ITGA4: variants seen among roughly 807,000 people sequenced by gnomAD.
The protein encoded by ITGA4 is integrin subunit alpha 4.
Under a neutral mutation model 133.6 loss-of-function variants are expected in ITGA4, and 63 were observed. The observed-to-expected ratio is 0.47, with a 90% CI of 0.38 to 0.58. The LOEUF is 0.58. Ranked by LOEUF, ITGA4 falls within the 20% of genes least tolerant of loss-of-function variation. The pLI is 0.00. For missense variants in ITGA4, 1,076 were observed against 1,252.7 expected, an observed-to-expected ratio of 0.86 and a Z score of 2.13; for synonymous variants, 483 against 438.0, an observed-to-expected ratio of 1.10 and a Z score of -1.28.
Position 181,523,372 on chromosome 2 carries a change from A to G in ITGA4, c.2074-65A>G. ...GATATTCTTTTCAATAACCATCCTTAAACATATGTTACAAACTTTTTATTT... is the reference window on the plus strand; with the variant it reads ...GATATTCTTTTCAATAACCATCCTTGAACATATGTTACAAACTTTTTATTT... On this transcript the variant is annotated intron_variant, in intron 18 of 27. Transcript: ENST00000397033. The surrounding 1 kb of genome is among the most constrained non-coding windows in gnomAD (Gnocchi z 4.2). The G allele has an allele frequency of 1.1e-6, 1 of 922,268 alleles. No individual in the cohort carries two copies. The highest frequency in any genetic ancestry group is 1.8e-6 in the Non-Finnish European group (1 of 558,052). The allele number at this position is 922,268 out of a possible 1,614,324, so 57.1% of individuals were successfully genotyped here. A position where few individuals can be genotyped will look rare whatever the true frequency, so the allele number is the denominator to read the frequency against.
At chr2:181,462,531 A>T (rs1327349058) in intron 2 of ITGA4, among the ~76,000 whole-genome samples, 1 of 152,098 alleles carries the variant, frequency 6.6e-6, no homozygotes, top group Non-Finnish European at 1.5e-5. Context: ...TTACTTTTTC[A>T]TTTGCAATGT....
intron 2 of ITGA4, 71 bp downstream of exon 2, chr2:181,458,388 C>A: frequency 6.5e-7 from 1 of 1,547,782 alleles, no homozygotes; most frequent in Non-Finnish European, 8.8e-7. Flanking sequence ...TAGGGCAAGT[C>A]CTGGAAAGAT....
Position 181,529,579 on chromosome 2 carries a change from T to C in ITGA4, c.2469T>C (p.Ser823=), listed in dbSNP as rs540189474. The part of the protein sequence containing the change: ...NTGNSMAPNV[S]VEIMVPNSFS... ...GCAATAGTATGGCTCCCAATGTTAG[T>C]GTGGAAATAATGGTACCAAATTCTT... is the stretch of plus-strand genomic sequence containing the variant. The change falls in exon 23 of 28, where the codon AGT becomes AGC. Residue 823 remains serine (S), a synonymous_variant. Transcript: ENST00000397033. The C allele has an allele frequency of 3.1e-6, 5 of 1,610,306 alleles. No homozygotes were observed. The African/African-American group carries it at 6.7e-5, about 21-fold the overall frequency.
chr2:181,463,859 G>A (rs1302603152), intron 2 of ITGA4, among the ~76,000 whole-genome samples: 1 of 152,096 alleles, frequency 6.6e-6, no homozygotes, highest in Non-Finnish European at 1.5e-5. Flanking sequence ...AGATCAAATG[G>A]CCAATGGCAA....
chr2:181,537,804 A>C lies in ITGA4; in HGVS notation c.*2277A>C, dbSNP rs1559064867. 1 of 466,516 alleles carries C rather than the reference A, an allele frequency of 2.1e-6. No homozygotes were observed. The highest frequency in any genetic ancestry group is 2.3e-5 in the Admixed American group (1 of 42,586). The allele number at this position is 466,516 out of a possible 1,614,324, so 28.9% of individuals were successfully genotyped here. A position where few individuals can be genotyped will look rare whatever the true frequency, so the allele number is the denominator to read the frequency against. ...GAATTGATATTTCATCTTGACTTTT[A>C]AAGCCCTAGAGGCTAATTGTTAGTA... is the stretch of plus-strand genomic sequence containing the variant. On this transcript the variant is annotated 3_prime_UTR_variant, in exon 28 of 28. Coordinates refer to ENST00000397033, the MANE Select transcript of ITGA4 (RefSeq NM_000885.6).
At chr2:181,462,851 C>G (rs1362509229) in intron 2 of ITGA4, among the ~76,000 whole-genome samples, 7 of 152,146 alleles carry the variant, frequency 4.6e-5, no homozygotes, top group African/African-American at 9.7e-5. Flanking sequence ...GGCAACAGTT[C>G]TAGGGTCAGA....
At chr2:181,484,006 A>G (rs966335744) in intron 9 of ITGA4, among the ~76,000 whole-genome samples, 7 of 152,160 alleles carry the variant, frequency 4.6e-5, no homozygotes, top group African/African-American at 1.7e-4. Context: ...TTAAATTAAT[A>G]ATTGATTCCA....
intron 24 of ITGA4, among the ~76,000 whole-genome samples, 174 bp downstream of exon 24, chr2:181,530,823 G>T (rs1321783870): frequency 1.3e-5 from 2 of 152,072 alleles, no homozygotes; most frequent in Non-Finnish European, 2.9e-5. Context: ...TAGACCCAGG[G>T]TCTATCCCAT....
At chr2:181,526,565 G>A (rs1686833339) in intron 21 of ITGA4, among the ~76,000 whole-genome samples, 1 of 152,076 alleles carries the variant, frequency 6.6e-6, no homozygotes, top group South Asian at 2.1e-4. Flanking sequence ...CAGATTTGGG[G>A]TTCATTATAA....
intron 21 of ITGA4, among the ~76,000 whole-genome samples, chr2:181,526,821 CTT>C (rs538208494): frequency 3.1e-3 from 125 of 40,926 alleles, no homozygotes; most frequent in East Asian, 0.019. Flanking sequence ...AGCACATGGC[CTT>C]TTTTTTTTTT....
intron 9 of ITGA4, among the ~76,000 whole-genome samples, chr2:181,484,814 T>C (rs2105735743): frequency 6.6e-6 from 1 of 152,302 alleles, no homozygotes; most frequent in South Asian, 2.1e-4. Flanking sequence ...CAAGAAGCTT[T>C]TACAGAGGAA....
intron 10 of ITGA4, among the ~76,000 whole-genome samples, chr2:181,492,183 G>GA: frequency 6.6e-6 from 1 of 152,316 alleles, no homozygotes; most frequent in Admixed American, 6.5e-5. Flanking sequence ...GAATAAATGA[G>GA]TGGGCATATT....
chr2:181,458,594 T>C (rs1452825405), intron 2 of ITGA4: 11 of 429,682 alleles, frequency 2.6e-5, no homozygotes, highest in Non-Finnish European at 4.3e-5. Context: ...TCTCTCCCCG[T>C]CTCTCCGTGT....
At chr2:181,534,426 G>A in intron 26 of ITGA4, 56 bp downstream of exon 26, 2 of 1,061,178 alleles carry the variant, frequency 1.9e-6, no homozygotes, top group South Asian at 1.3e-5. Context: ...CATTTCAAGG[G>A]TGTCTATAAT....
At chr2:181,505,990 G>A (rs1354655501) in intron 15 of ITGA4, among the ~76,000 whole-genome samples, 2 of 152,042 alleles carry the variant, frequency 1.3e-5, no homozygotes, top group Admixed American at 6.6e-5. Context: ...ATTTGGCCTT[G>A]ATTTGCAGCA....
At chr2:181,500,156 T>G (rs1686239533) in intron 15 of ITGA4, among the ~76,000 whole-genome samples, 2 of 152,182 alleles carry the variant, frequency 1.3e-5, no homozygotes, top group Admixed American at 6.6e-5. Context: ...GGCAGGGACT[T>G]TTTAAGAAAT....
rs902308015 is a variant in ITGA4 at position 181,537,076 on chromosome 2, C to G, written c.*1549C>G. 9.0e-6 allele frequency: 4 copies of G among 446,830 alleles called. No individual in the cohort carries two copies. The highest frequency in any genetic ancestry group is 4.0e-5 in the African/African-American group (2 of 49,552). The allele number at this position is 446,830 out of a possible 1,614,324, so 27.7% of individuals were successfully genotyped here. ...AATGTAAGCACAAAACCTCCTGAAC[C>G]CAGAGTGTGTATACACAGGAATAAA... On this transcript the variant is annotated 3_prime_UTR_variant, in exon 28 of 28. Coordinates refer to ENST00000397033, the MANE Select transcript of ITGA4 (RefSeq NM_000885.6).
At chr2:181,461,226 G>A (rs866679901) in intron 2 of ITGA4, among the ~76,000 whole-genome samples, 26 of 147,580 alleles carry the variant, frequency 1.8e-4, no homozygotes, top group African/African-American at 4.8e-4. Flanking sequence ...GGTGAGAGAC[G>A]TTAGGCATGA....
intron 10 of ITGA4, among the ~76,000 whole-genome samples, chr2:181,487,004 A>G (rs1685936620): frequency 6.6e-6 from 1 of 152,194 alleles, no homozygotes; most frequent in African/African-American, 2.4e-5. Flanking sequence ...ATTCTACATA[A>G]AAAGTCAGTT....
Sources: gnomAD v4.1 joint callset for allele counts (sites outside exome capture counted in the v4.1 genomes callset) on GRCh38, gnomAD v4.1.1 for gene constraint, Gnocchi (gnomAD v3.1) non-coding constraint, MANE v1.5 for transcripts, NCBI Gene and HGNC (gene_info 2026-07-23, HGNC 2026-07-21) for gene names.